MIA3: variants seen among roughly 807,000 people sequenced by gnomAD.
MIA3 encodes the protein MIA SH3 domain ER export factor 3.
In MIA3, 90 loss-of-function variants were observed where a neutral mutation model predicts 192.4. That is an observed-to-expected ratio of 0.47 (90% CI 0.39 to 0.56). The LOEUF (loss-of-function observed/expected upper bound fraction) is 0.56. Among genes scored for constraint, MIA3 ranks in the 20% least tolerant of loss-of-function variants. The pLI is 0.00. For missense variants in MIA3, 2,123 were observed against 2,269.4 expected (o/e 0.94, Z 1.31); for synonymous variants, 740 against 792.8 (o/e 0.93, Z 1.12).
chr1:222,647,648 T>A (rs1663213285), intron 7 of MIA3, among the ~76,000 whole-genome samples: 1 of 152,174 alleles, frequency 6.6e-6, no homozygotes, highest in Admixed American at 6.5e-5. Context: ...CTCCTATTTG[T>A]TAATAAAAAA....
At chr1:222,644,322 A>C (rs1571886389) in intron 6 of MIA3, 1 of 1,452,048 alleles carries the variant, frequency 6.9e-7, no homozygotes. Flanking sequence ...TATAGGCGGC[A>C]TAAAGCGAAA....
chr1:222,630,412 G>A (rs746977412), intron 4 of MIA3, 23 bp downstream of exon 4: 1 of 1,564,574 alleles, frequency 6.4e-7, no homozygotes, highest in South Asian at 1.2e-5. Flanking sequence ...TGGCCTTGTA[G>A]AACAGGGCTG....
intron 2 of MIA3, among the ~76,000 whole-genome samples, chr1:222,622,555 A>G: frequency 6.6e-6 from 1 of 152,196 alleles, no homozygotes. Context: ...AATCTTGGGA[A>G]ACAACAACTG....
In MIA3 at chr1:222,666,799, ATACT is replaced by A. The variant is rs1469063651; in HGVS notation, c.*1183_*1186del. 1.3e-5 allele frequency: 2 copies of A among 152,166 alleles called. No individual in the cohort carries two copies. Among genetic ancestry groups the A allele is most frequent in the African/African-American group, 4.8e-5 (2 of 41,434 alleles). 9.4% of individuals were successfully genotyped at this position (152,166 alleles called of 1,614,324 possible). On this transcript the variant is annotated 3_prime_UTR_variant, in exon 28 of 28. Coordinates refer to ENST00000344922, the MANE Select transcript of MIA3 (RefSeq NM_198551.4). ...GTAACTAACCATCTGGAATTGCACCATACTTAAAGTCTTATCCATTACTACACTG... is the reference window on the plus strand; with the variant it reads ...GTAACTAACCATCTGGAATTGCACCATAAAGTCTTATCCATTACTACACTG...
chr1:222,641,562 G>C, intron 6 of MIA3: 1 of 508,724 alleles, frequency 2.0e-6, no homozygotes. Flanking sequence ...TCCTCTTCAA[G>C]AAGTCCTTGG....
intron 4 of MIA3, among the ~76,000 whole-genome samples, chr1:222,631,582 T>G (rs1662400441): frequency 6.6e-6 from 1 of 152,214 alleles, no homozygotes; most frequent in Non-Finnish European, 1.5e-5. Flanking sequence ...GAAGGCAATA[T>G]TCAGATGAAT....
chr1:222,638,340 A>T (rs1419777648), intron 6 of MIA3, among the ~76,000 whole-genome samples: 2 of 152,202 alleles, frequency 1.3e-5, no homozygotes, highest in Non-Finnish European at 2.9e-5. Context: ...AAACTAGGTG[A>T]CACACTTCTT....
intron 6 of MIA3, among the ~76,000 whole-genome samples, chr1:222,638,527 A>AACACACAC (rs142663900): frequency 2.4e-4 from 36 of 148,828 alleles, no homozygotes; most frequent in Non-Finnish European, 3.9e-4. Context: ...GTTTCTACAA[A>AACACACAC]ACACACACAC....
In MIA3 at chr1:222,645,703, T is replaced by C. The variant is rs1663105580; in HGVS notation, c.3609+18T>C. The C allele has an allele frequency of 1.9e-6, 3 of 1,606,320 alleles. No homozygotes were observed. Among genetic ancestry groups the C allele is most frequent in the Non-Finnish European group, 2.6e-6 (3 of 1,175,654 alleles). On this transcript the variant is annotated intron_variant, in intron 7 of 27. Coordinates refer to ENST00000344922, the MANE Select transcript of MIA3 (RefSeq NM_198551.4). ...TCCTTGTTGTGAGTAAATTAATGCA[T>C]ACTTTAACTCATAAATTCAAGTATG...
intron 24 of MIA3, chr1:222,661,575 G>A (rs145972877): frequency 2.6e-5 from 4 of 155,364 alleles, no homozygotes; most frequent in East Asian, 3.8e-4. Context: ...TTTTGACTGC[G>A]CAGGGGATCA....
rs780381265 is a variant in MIA3 at position 222,662,315 on chromosome 1, G to A, written c.5245G>A (p.Val1749Ile). ...SSSRGSSPTR[V>I]LDEGKVNMAP... ...CTCAAGAGGCTCTTCCCCTACCAGG[G>A]TACTCGATGAAGGCAAGGTAAATGC... is the stretch of plus-strand genomic sequence containing the variant. The change falls in exon 26 of 28, where the codon GTA becomes ATA. Residue 1749 changes from valine to isoleucine, a missense_variant. By Grantham distance (29) the Val-to-Ile change is conservative. Around this residue, in one of 3 missense-constraint regions of MIA3, gnomAD observed 762 missense variants for 856.4 expected, o/e 0.89. Transcript: ENST00000344922. 1.2e-6 allele frequency: 2 copies of A among 1,613,928 alleles called. No individual in the cohort carries two copies. The highest frequency in any genetic ancestry group is 1.1e-5 in the South Asian group (1 of 91,078).
At position 222,659,698 on chromosome 1, in the gene MIA3, C is replaced by G. The variant is rs376371032; in HGVS notation, c.4807-36C>G. 9.3e-6 allele frequency: 15 copies of G among 1,613,728 alleles called. No homozygotes were observed. In the African/African-American group the frequency reaches 2.0e-4, roughly 22 times the overall value. On this transcript the variant is annotated intron_variant, in intron 21 of 27. Coordinates refer to ENST00000344922, the MANE Select transcript of MIA3 (RefSeq NM_198551.4). Reference sequence around the variant, plus strand: ...TTCTTTCCCTTATTTTGTGCATAGTCTCCCACAACTGAATTTGGATATTTT... The same window carrying G: ...TTCTTTCCCTTATTTTGTGCATAGTGTCCCACAACTGAATTTGGATATTTT...
chr1:222,625,090 C>T (rs1005830608), intron 3 of MIA3, among the ~76,000 whole-genome samples: 6 of 151,520 alleles, frequency 4.0e-5, no homozygotes, highest in South Asian at 4.2e-4. Flanking sequence ...GCTCACTGCA[C>T]GCTCTGCTTC....
chr1:222,665,428 TTA>T lies in MIA3; in HGVS notation c.5534_5535del (p.Leu1845TrpfsTer40). 6.2e-7 allele frequency: 1 copy of T among 1,613,844 alleles called. No homozygotes were observed. Among genetic ancestry groups the T allele is most frequent in the Middle Eastern group, 1.6e-4 (1 of 6,062 alleles). On this transcript the variant is annotated frameshift_variant, in exon 28 of 28. Transcript: ENST00000344922. LOFTEE classifies it low-confidence loss of function (END_TRUNC). ...ACCTGGACACGCACCATTTAGACCT[TTA>T]GGTTCACTTGGCCCAAGAGAGTACT... is the stretch of plus-strand genomic sequence containing the variant. ...FLPGHAPFRPLGSLGPREYFI... is the reference protein window; with the variant it reads ...FLPGHAPFRPXGSLGPREYFI...
rs1426252068 is a variant in MIA3, at chr1:222,645,663, T to C, written c.3587T>C (p.Phe1196Ser). The change falls in exon 7 of 28, where the codon TTC (phenylalanine) becomes TCC (serine). Residue 1196 changes from phenylalanine to serine, a missense_variant. Phe to Ser is a radical substitution (Grantham distance 155, BLOSUM62 -2). Coordinates refer to ENST00000344922, the MANE Select transcript of MIA3 (RefSeq NM_198551.4). Reference sequence around the variant, plus strand: ...TTGGGAATTGCTTCGTTTGCCATTTTCTTATGGAGAACTGTCCTTGTTGTG... The same window carrying C: ...TTGGGAATTGCTTCGTTTGCCATTTCCTTATGGAGAACTGTCCTTGTTGTG... ...AFLGIASFAI[F>S]LWRTVLVVKD... 1 of 1,613,934 alleles carries C rather than the reference T, an allele frequency of 6.2e-7. No homozygotes were observed. The highest frequency in any genetic ancestry group is 2.2e-5 in the East Asian group (1 of 44,852).
At chr1:222,633,344 A>G in intron 6 of MIA3, 95 bp downstream of exon 6, 4 of 1,047,356 alleles carry the variant, frequency 3.8e-6, no homozygotes, top group Non-Finnish European at 4.2e-6. Context: ...AAATGTCTTT[A>G]TGAACCTGAC....
chr1:222,656,835 A>C (rs572133784), intron 18 of MIA3, among the ~76,000 whole-genome samples: 2 of 152,318 alleles, frequency 1.3e-5, no homozygotes, highest in South Asian at 4.1e-4. Flanking sequence ...TCAGTTGTCT[A>C]ATCTGCTAAA....
Position 222,650,386 on chromosome 1 carries a change from A to T in MIA3, c.3720+6A>T. 1 of 1,445,944 alleles carries T rather than the reference A, an allele frequency of 6.9e-7. No individual in the cohort carries two copies. The highest frequency in any genetic ancestry group is 9.6e-7 in the Non-Finnish European group (1 of 1,045,628). The allele number at this position is 1,445,944 out of a possible 1,614,324, so 89.6% of individuals were successfully genotyped here. A position where few individuals can be genotyped will look rare whatever the true frequency, so the allele number is the denominator to read the frequency against. Reference sequence around the variant, plus strand: ...TGTCAAATTATGAACAGAAGGTATGATTATTCTTTGTTTTTTTTTTTTTTC... The same window carrying T: ...TGTCAAATTATGAACAGAAGGTATGTTTATTCTTTGTTTTTTTTTTTTTTC... On this transcript the variant is annotated splice_donor_region_variant and intron_variant, in intron 9 of 27. Coordinates refer to ENST00000344922, the MANE Select transcript of MIA3 (RefSeq NM_198551.4).
At chr1:222,648,433 ATTTC>A (rs1663257686) in intron 7 of MIA3, among the ~76,000 whole-genome samples, 1 of 152,070 alleles carries the variant, frequency 6.6e-6, no homozygotes, top group Non-Finnish European at 1.5e-5. Context: ...TTGTTTTTAG[ATTTC>A]TTTCTGGCTA....
Sources: allele counts gnomAD v4.1 joint callset (sites outside exome capture counted in the v4.1 genomes callset), GRCh38; gene constraint gnomAD v4.1.1; regional missense constraint gnomAD v4.1.1; transcripts MANE v1.5; gene names NCBI Gene and HGNC (gene_info 2026-07-23, HGNC 2026-07-21).